The following GAN variants were observed in gnomAD, a reference collection of about 807,000 sequenced individuals.
GAN encodes epididymis secretory sperm binding protein.
A neutral mutation model predicts 71.3 loss-of-function variants in GAN; 48 were observed. That is an observed-to-expected ratio of 0.67 (90% confidence interval 0.53 to 0.86). The LOEUF (loss-of-function observed/expected upper bound fraction) is 0.86, where lower values mean the gene tolerates loss of function less well. GAN is among the 40% of genes least tolerant of loss of function. The pLI, the probability that GAN is intolerant of heterozygous loss-of-function variation, is 0.00. For synonymous variants in GAN, 386 were observed against 276.8 expected (o/e 1.39, Z -3.92); for missense variants, 928 against 770.1 (o/e 1.21, Z -2.43).
chr16:81,364,683 T>G (rs1266970151), intron 7 of GAN, among the ~76,000 whole-genome samples: 2 of 152,190 alleles, frequency 1.3e-5, no homozygotes, highest in Non-Finnish European at 2.9e-5. Context: ...AACGAGACCC[T>G]GTCTCTAATA....
chr16:81,369,585 C>T (rs1910969917), intron 9 of GAN, among the ~76,000 whole-genome samples: 1 of 152,166 alleles, frequency 6.6e-6, no homozygotes, highest in Non-Finnish European at 1.5e-5. Flanking sequence ...CTACATTACT[C>T]ATGGTAGATC....
In GAN at chr16:81,315,048, C is replaced by T; in HGVS notation, c.-66C>T. ...GGCGGGCGCGCGCGCAGGACTCGGGCCGCTCGAGGGGTCCGGCCGGACGGT... is the reference window on the plus strand; with the variant it reads ...GGCGGGCGCGCGCGCAGGACTCGGGTCGCTCGAGGGGTCCGGCCGGACGGT... On this transcript the variant is annotated 5_prime_UTR_variant, in exon 1 of 11. Coordinates refer to ENST00000648994, the MANE Select transcript of GAN (RefSeq NM_022041.4). 1 of 1,300,884 alleles carries T rather than the reference C, an allele frequency of 7.7e-7. No homozygotes were observed. Among genetic ancestry groups the T allele is most frequent in the Non-Finnish European group, 1.0e-6 (1 of 1,004,718 alleles). 80.6% of individuals were successfully genotyped at this position (1,300,884 alleles called of 1,614,324 possible).
chr16:81,334,860 G>C (rs1909703488), intron 1 of GAN, among the ~76,000 whole-genome samples: 1 of 152,198 alleles, frequency 6.6e-6, no homozygotes, highest in Non-Finnish European at 1.5e-5. Context: ...CTCTAACCTG[G>C]CTGCGTGCTC....
At chr16:81,368,230 G>T (rs1053700673) in intron 9 of GAN, among the ~76,000 whole-genome samples, 1 of 152,118 alleles carries the variant, frequency 6.6e-6, no homozygotes, top group African/African-American at 2.4e-5. Flanking sequence ...CCAGAATGAC[G>T]GTTTCTCTAT....
intron 5 of GAN, among the ~76,000 whole-genome samples, chr16:81,359,143 C>T (rs1597403996): frequency 6.6e-6 from 1 of 152,162 alleles, no homozygotes; most frequent in South Asian, 2.1e-4. Flanking sequence ...GTAGTATAGC[C>T]TGCAGGATGT....
chr16:81,363,608 A>C (rs1910749557), intron 6 of GAN, among the ~76,000 whole-genome samples, 186 bp from the exon 7 acceptor site: 2 of 152,174 alleles, frequency 1.3e-5, no homozygotes, highest in South Asian at 4.1e-4. Flanking sequence ...TCTCCCAGGT[A>C]CCAAGCGTCG....
In GAN at chr16:81,389,934, A is replaced by G. The variant is rs551753075; in HGVS notation, c.*12338A>G. 2.6e-5 allele frequency: 4 copies of G among 152,328 alleles called. No individual in the cohort carries two copies. Among genetic ancestry groups the G allele is most frequent in the East Asian group, 3.9e-4 (2 of 5,188 alleles). The allele number at this position is 152,328 out of a possible 1,614,324, so 9.4% of individuals were successfully genotyped here. Reference sequence around the variant, plus strand: ...AAGGAAAATGCCACGAATACCATATAAATACCACACCAATCTGTTGAACAT... The same window carrying G: ...AAGGAAAATGCCACGAATACCATATGAATACCACACCAATCTGTTGAACAT... On this transcript the variant is annotated 3_prime_UTR_variant, in exon 11 of 11. Transcript: ENST00000648994.
intron 1 of GAN, among the ~76,000 whole-genome samples, chr16:81,347,741 C>T (rs372780296): frequency 2.0e-5 from 3 of 152,134 alleles, no homozygotes; most frequent in African/African-American, 7.2e-5. Flanking sequence ...CTTTCATTTA[C>T]AAGTATGAAG....
intron 3 of GAN, among the ~76,000 whole-genome samples, chr16:81,356,014 C>A (rs1486429704): frequency 6.6e-6 from 1 of 152,168 alleles, no homozygotes; most frequent in Non-Finnish European, 1.5e-5. Context: ...ACCAAGACCA[C>A]AGTGGGACAT....
At chr16:81,321,834 G>C (rs972608923) in intron 1 of GAN, among the ~76,000 whole-genome samples, 1 of 152,112 alleles carries the variant, frequency 6.6e-6, no homozygotes, top group African/African-American at 2.4e-5. Context: ...GATGTGACAC[G>C]TGGCAGGCTA....
chr16:81,344,280 CA>C (rs1910043269), intron 1 of GAN, among the ~76,000 whole-genome samples: 1 of 152,084 alleles, frequency 6.6e-6, no homozygotes, highest in Non-Finnish European at 1.5e-5. Flanking sequence ...CATATGGAAG[CA>C]AAAAAGAGCC....
chr16:81,341,521 C>G (rs1909942064), intron 1 of GAN, among the ~76,000 whole-genome samples: 1 of 152,184 alleles, frequency 6.6e-6, no homozygotes, highest in Non-Finnish European at 1.5e-5. Flanking sequence ...AATTTCATAT[C>G]TAGCCAAACT....
At chr16:81,350,411 A>G (rs1484807062) in intron 1 of GAN, among the ~76,000 whole-genome samples, 3 of 152,232 alleles carry the variant, frequency 2.0e-5, no homozygotes, top group East Asian at 1.9e-4. Flanking sequence ...TACATAGTAT[A>G]TGAGGCTGTA....
At chr16:81,350,311 C>G (rs559772518) in intron 1 of GAN, among the ~76,000 whole-genome samples, 3 of 152,090 alleles carry the variant, frequency 2.0e-5, no homozygotes, top group Non-Finnish European at 4.4e-5. Context: ...CAGTGAGATA[C>G]CATATTTCAC....
At chr16:81,336,907 A>G (rs1052970004) in intron 1 of GAN, among the ~76,000 whole-genome samples, 2 of 151,994 alleles carry the variant, frequency 1.3e-5, no homozygotes, top group African/African-American at 4.8e-5. Context: ...GGTGGTATAC[A>G]TTTGTTACAA....
intron 1 of GAN, among the ~76,000 whole-genome samples, chr16:81,350,397 C>A (rs112117183): frequency 6.6e-6 from 1 of 152,112 alleles, no homozygotes; most frequent in Non-Finnish European, 1.5e-5. Flanking sequence ...GATGCCCTTA[C>A]ACATACATAG....
chr16:81,316,356 CT>C (rs57208050), intron 1 of GAN, among the ~76,000 whole-genome samples: 143,923 of 152,136 alleles, frequency 0.95, 68,125 homozygotes, highest in Middle Eastern at 0.98. Flanking sequence ...GCACGCTACA[CT>C]TTTAACCTTT....
chr16:81,324,003 T>A (rs909859544), intron 1 of GAN, among the ~76,000 whole-genome samples: 2 of 152,240 alleles, frequency 1.3e-5, no homozygotes, highest in Non-Finnish European at 2.9e-5. Flanking sequence ...TTAGTTTTTT[T>A]ATAACATCCT....
chr16:81,338,392 G>GA (rs1256177539), intron 1 of GAN, among the ~76,000 whole-genome samples: 1 of 151,926 alleles, frequency 6.6e-6, no homozygotes, highest in East Asian at 1.9e-4. Flanking sequence ...CTCACTCAAG[G>GA]AAAAAATGAT....
Sources: allele counts gnomAD v4.1 joint callset (sites outside exome capture counted in the v4.1 genomes callset), GRCh38; gene constraint gnomAD v4.1.1; transcripts MANE v1.5; gene names NCBI Gene and HGNC (gene_info 2026-07-23, HGNC 2026-07-21).